CNPPD1: variants seen among roughly 807,000 people sequenced by gnomAD.
CNPPD1 encodes protein CNPPD1.
Under a neutral mutation model 43.7 loss-of-function variants are expected in CNPPD1, and 40 were observed. The ratio of observed to expected loss-of-function variants is 0.92; its 90% CI spans 0.71 to 1.19. The LOEUF is 1.19. Among genes scored for constraint, CNPPD1 ranks in the 50% most tolerant of loss-of-function variants. The probability of loss-of-function intolerance (pLI) is 0.00; values close to 1 mark genes in which losing one functional copy is unlikely to be tolerated. For missense variants in CNPPD1, 511 were observed against 518.5 expected (o/e 0.99, Z 0.14); for synonymous variants, 208 against 214.3 (o/e 0.97, Z 0.26).
rs373415129 is a variant in CNPPD1, at chr2:219,174,880, A to G, written c.408T>C (p.Asp136=). 5.0e-6 allele frequency: 8 copies of G among 1,614,036 alleles called. No individual in the cohort carries two copies. The African/African-American group carries it at 5.3e-5, about 11-fold the overall frequency. Residue 136 remains aspartate, a synonymous_variant, in exon 5 of 8, where the codon GAT becomes GAC. Coordinates refer to ENST00000360507, the MANE Select transcript of CNPPD1 (RefSeq NM_015680.6). ...TGAAGACCTCCTCCTCCTCCCCTTC[A>G]TCATAGAGGTACTTACTGGCCACCA... ...SMMVASKYLY[D]EGEEEEVFND...
chr2:219,176,416 G>A, intron 1 of CNPPD1, 85 bp from the exon 2 acceptor site: 1 of 1,059,866 alleles, frequency 9.4e-7, no homozygotes, highest in South Asian at 1.3e-5. Flanking sequence ...GGCGGGGCAG[G>A]GGACAGGCCG....
Position 219,172,500 on chromosome 2 carries a change from G to A in CNPPD1, c.*86C>T, listed in dbSNP as rs1002005708. On this transcript the variant is annotated 3_prime_UTR_variant, in exon 8 of 8. Transcript: ENST00000360507. ...ACAGGGGACCTGCCAAGGACCCAGC[G>A]AGGCAGACAGGATCTGAATCAAGCT... 24 of 1,444,008 alleles carry A rather than the reference G, an allele frequency of 1.7e-5. No homozygotes were observed. The highest frequency in any genetic ancestry group is 2.3e-5 in the East Asian group (1 of 44,048). The allele number at this position is 1,444,008 out of a possible 1,614,324, so 89.4% of individuals were successfully genotyped here. A position where few individuals can be genotyped will look rare whatever the true frequency, so the allele number is the denominator to read the frequency against.
At chr2:219,173,825 GGGTCAGGCATCTT>G (rs2106385946) in intron 6 of CNPPD1, among the ~76,000 whole-genome samples, 1 of 152,086 alleles carries the variant, frequency 6.6e-6, no homozygotes, top group Non-Finnish European at 1.5e-5. Flanking sequence ...TTTTCTGGTA[GGGTCAGGCATCTT>G]GCTATATTGC....
chr2:219,173,039 G>A lies in CNPPD1; in HGVS notation c.780C>T (p.Ser260=), dbSNP rs1178724650. The change falls in exon 8 of 8, where the codon TCC becomes TCT. Residue 260 remains serine, a synonymous_variant. Transcript: ENST00000360507. ...VAVIHQSLGL[S]CIPTPGPPDL... The stretch of plus-strand genomic sequence containing the variant: ...CAGGCGGCCCAGGTGTAGGGATGCA[G>A]GACAGCCCCAAAGACTGATGTATTA... The A allele has an allele frequency of 1.9e-6, 3 of 1,612,794 alleles. No individual in the cohort carries two copies. In the South Asian group the frequency reaches 3.3e-5, roughly 18 times the overall value.
Position 219,175,496 on chromosome 2 carries a change from A to C in CNPPD1, c.260+95T>G. On this transcript the variant is annotated intron_variant, in intron 3 of 7. Coordinates refer to ENST00000360507, the MANE Select transcript of CNPPD1 (RefSeq NM_015680.6). ...TGGGTGACAAAGTGAGACTGTCTCA[A>C]AAAAAAAAAAAAGAAAGAAAGAAAA... 3.5e-5 allele frequency: 28 copies of C among 789,440 alleles called. No homozygotes were observed. In the African/African-American group the frequency reaches 3.8e-4, roughly 11 times the overall value. The allele number at this position is 789,440 out of a possible 1,614,324, so 48.9% of individuals were successfully genotyped here.
At chr2:219,173,186 TC>T in intron 7 of CNPPD1, 58 bp from the exon 8 acceptor site, 1 of 1,503,802 alleles carries the variant, frequency 6.6e-7, no homozygotes, top group East Asian at 2.3e-5. Context: ...ACCCCTTGTC[TC>T]TAGAAATCTG....
chr2:219,174,022 C>A, intron 6 of CNPPD1, 124 bp downstream of exon 6: 1 of 931,732 alleles, frequency 1.1e-6, no homozygotes, highest in South Asian at 1.3e-5. Context: ...GAACCACTAT[C>A]TGGGCAATTC....
Position 219,175,593 on chromosome 2 carries a change from G to A in CNPPD1, c.258C>T (p.Ser86=), listed in dbSNP as rs761087524. The A allele has an allele frequency of 3.9e-5, 63 of 1,613,532 alleles. No individual in the cohort carries two copies. The highest frequency in any genetic ancestry group is 5.1e-5 in the Non-Finnish European group (60 of 1,179,530). ...RLQKKYVAHV[S]REACISPCAM... ...CCTATCCTCATTTCCAGGCTCACCG[G>A]GACACATGAGCTACATATTTCTTCT... is the stretch of plus-strand genomic sequence containing the variant. Residue 86 remains serine, a splice_region_variant and synonymous_variant, in exon 3 of 8, where the codon TCC becomes TCT. Transcript: ENST00000360507.
chr2:219,178,097 T>G (rs943379504), upstream of CNPPD1: 1 of 232,706 alleles, frequency 4.3e-6, no homozygotes, highest in South Asian at 1.8e-4. Flanking sequence ...GAACCCGGGG[T>G]ACTTCGTCAA....
At position 219,174,832 on chromosome 2, in the gene CNPPD1, C is replaced by A. The variant is rs577791189; in HGVS notation, c.456G>T (p.Gly152=). 58 of 1,613,968 alleles carry A rather than the reference C, an allele frequency of 3.6e-5. No individual in the cohort carries two copies. The South Asian group carries it at 6.3e-4, about 17-fold the overall frequency. ...CATTGAGAGTGGGCACGGCCACACC[C>A]CCAGCAGCTCCCCATTCGTCGTTGA... ...EVFNDEWGAA[G]GVAVPTLNAL... is the part of the protein sequence containing the mutation. Residue 152 remains glycine, a synonymous_variant, in exon 5 of 8, where the codon GGG becomes GGT. Transcript: ENST00000360507.
At chr2:219,176,352 C>A (rs752459686) in intron 1 of CNPPD1, 21 bp from the exon 2 acceptor site, 38 of 1,564,410 alleles carry the variant, frequency 2.4e-5, no homozygotes, top group Admixed American at 5.0e-5. Flanking sequence ...GCAGGGGCAG[C>A]GGAGGGTGAA....
At chr2:219,173,840 C>G (rs1035313512) in intron 6 of CNPPD1, among the ~76,000 whole-genome samples, 1 of 152,060 alleles carries the variant, frequency 6.6e-6, no homozygotes, top group Non-Finnish European at 1.5e-5. Flanking sequence ...AGGCATCTTG[C>G]TATATTGCCC....
At position 219,175,631 on chromosome 2, in the gene CNPPD1, T is replaced by C. The variant is rs1273526311; in HGVS notation, c.220A>G (p.Ile74Val). Residue 74 changes from isoleucine (I) to valine (V), a missense_variant, in exon 3 of 8, where the codon ATT (isoleucine) becomes GTT (valine). Ile to Val is a conservative substitution (Grantham distance 29). Transcript: ENST00000360507. ...ELLQKAAPSP[I>V]RRLQKKYVAH... The stretch of plus-strand genomic sequence containing the variant: ...ACATATTTCTTCTGGAGTCGGCGAA[T>C]AGGGCTGGGGGCTGCCTTCTGGAGC... 5 of 1,613,776 alleles carry C rather than the reference T, an allele frequency of 3.1e-6. No individual in the cohort carries two copies. The African/African-American group carries it at 5.3e-5, about 17-fold the overall frequency.
chr2:219,176,333 T>G lies in CNPPD1; in HGVS notation c.70-2A>C, dbSNP rs547545217. The G allele has an allele frequency of 1.9e-6, 3 of 1,607,062 alleles. No homozygotes were observed. The highest frequency in any genetic ancestry group is 2.2e-5 in the South Asian group (2 of 90,944). ...CAGCTTCTGGTGTCCTGGGAGGAACTGAAACAGGGCAGGGGCAGCGGAGGG... is the reference window on the plus strand; with the variant it reads ...CAGCTTCTGGTGTCCTGGGAGGAACGGAAACAGGGCAGGGGCAGCGGAGGG... On this transcript the variant is annotated splice_acceptor_variant, in intron 1 of 7. Coordinates refer to ENST00000360507, the MANE Select transcript of CNPPD1 (RefSeq NM_015680.6). LOFTEE classifies it high-confidence loss of function.
At position 219,176,760 on chromosome 2, in the gene CNPPD1, C is replaced by G. The variant is rs756736927; in HGVS notation, c.69G>C (p.Thr23=). The G allele has an allele frequency of 2.5e-6, 4 of 1,574,722 alleles. No individual in the cohort carries two copies. In the East Asian group the frequency reaches 9.4e-5, roughly 37 times the overall value. The part of the protein sequence containing the change: ...TFSLAGFQDF[T]FLPGHQKLSA... Reference sequence around the variant, plus strand: ...GGGAGGGGGCGGGACCCCCACTCACCGTGAAGTCCTGGAAGCCGGCGAGGG... The same window carrying G: ...GGGAGGGGGCGGGACCCCCACTCACGGTGAAGTCCTGGAAGCCGGCGAGGG... Residue 23 remains threonine (T), a splice_region_variant and synonymous_variant, in exon 1 of 8, where the codon ACG becomes ACC. Coordinates refer to ENST00000360507, the MANE Select transcript of CNPPD1 (RefSeq NM_015680.6).
chr2:219,176,364 G>A, intron 1 of CNPPD1, 33 bp from the exon 2 acceptor site: 2 of 1,487,068 alleles, frequency 1.3e-6, no homozygotes, highest in Non-Finnish European at 1.9e-6. Context: ...GAGGGTGAAG[G>A]GCACGGAAAG....
intron 3 of CNPPD1, 97 bp downstream of exon 3, chr2:219,175,494 C>CAA (rs368784782): frequency 1.2e-3 from 1,128 of 944,686 alleles, no homozygotes; most frequent in Middle Eastern, 1.5e-3. Context: ...GAGACTGTCT[C>CAA]AAAAAAAAAA....
Position 219,172,782 on chromosome 2 carries a change from G to A in CNPPD1, c.1037C>T (p.Ser346Phe). ...CHLCQKLQRD[S>F]PTCHACLHPN... ...GTGGAGGCAGGCATGGCAGGTTGGG[G>A]AGTCTCTCTGGAGCTTCTGGCAAAG... Residue 346 changes from serine to phenylalanine, a missense_variant, in exon 8 of 8, where the codon TCC becomes TTC. Coordinates refer to ENST00000360507, the MANE Select transcript of CNPPD1 (RefSeq NM_015680.6). The A allele has an allele frequency of 6.2e-7, 1 of 1,607,508 alleles. No homozygotes were observed.
chr2:219,174,435 A>G (rs1950125720), intron 5 of CNPPD1, among the ~76,000 whole-genome samples: 1 of 152,252 alleles, frequency 6.6e-6, no homozygotes. Context: ...AATGACCCTG[A>G]GAATGGTCTG....
Sources: allele counts gnomAD v4.1 joint callset (sites outside exome capture counted in the v4.1 genomes callset), GRCh38; gene constraint gnomAD v4.1.1; transcripts MANE v1.5; gene names NCBI Gene and HGNC (gene_info 2026-07-23, HGNC 2026-07-21).